Variants in H6PD observed in about 807,000 individuals in gnomAD.
The protein encoded by H6PD is GDH/6PGL endoplasmic bifunctional protein.
Under a neutral mutation model 61.2 loss-of-function variants are expected in H6PD, and 48 were observed. The ratio of observed to expected loss-of-function variants is 0.78; its 90% CI spans 0.62 to 1.00. H6PD has a LOEUF of 1.00. H6PD is among the 50% of genes least tolerant of loss of function. H6PD has a pLI of 0.00. For missense variants in H6PD, 1,093 were observed against 1,065.0 expected (o/e 1.03, Z -0.37); for synonymous variants, 480 against 457.9 (o/e 1.05, Z -0.62).
rs1343168286 is a variant in H6PD, at chr1:9,269,687, C to T, written c.*4818C>T. The T allele has an allele frequency of 1.3e-5, 2 of 152,208 alleles. No individual in the cohort carries two copies. The highest frequency in any genetic ancestry group is 4.8e-5 in the African/African-American group (2 of 41,428). 9.4% of individuals were successfully genotyped at this position (152,208 alleles called of 1,614,324 possible). A position where few individuals can be genotyped will look rare whatever the true frequency, so the allele number is the denominator to read the frequency against. On this transcript the variant is annotated 3_prime_UTR_variant, in exon 5 of 5. Coordinates refer to ENST00000377403, the MANE Select transcript of H6PD (RefSeq NM_004285.4). The surrounding 1 kb of genome is among the most constrained non-coding windows in gnomAD (Gnocchi z 4.3). Reference sequence around the variant, plus strand: ...CCTTTTGCAGCACACTGGGCAGTCTCCCTATAAAACAAAAACCCCACCTTC... The same window carrying T: ...CCTTTTGCAGCACACTGGGCAGTCTTCCTATAAAACAAAAACCCCACCTTC...
intron 1 of H6PD, among the ~76,000 whole-genome samples, chr1:9,241,807 C>T (rs1311823452): frequency 6.6e-6 from 1 of 152,158 alleles, no homozygotes; most frequent in African/African-American, 2.4e-5. Context: ...TGTTTAGCAT[C>T]GTGACTGAGG....
chr1:9,256,127 T>C (rs1252396005), intron 3 of H6PD, among the ~76,000 whole-genome samples: 3 of 152,206 alleles, frequency 2.0e-5, no homozygotes, highest in Non-Finnish European at 2.9e-5. Flanking sequence ...CCTCCTTATA[T>C]GTTGTTATTC....
chr1:9,246,732 G>T (rs1641186211), intron 2 of H6PD, among the ~76,000 whole-genome samples: 1 of 152,172 alleles, frequency 6.6e-6, no homozygotes, highest in Non-Finnish European at 1.5e-5. Flanking sequence ...TAGAAGATAG[G>T]TAATTCTAAC....
intron 3 of H6PD, among the ~76,000 whole-genome samples, chr1:9,260,691 C>T (rs1477491035): frequency 1.3e-5 from 2 of 151,654 alleles, no homozygotes; most frequent in Non-Finnish European, 2.9e-5. Flanking sequence ...GGTGTTGCTG[C>T]ACTGCTGTTA....
chr1:9,264,910 C>G lies in H6PD; in HGVS notation c.*41C>G, dbSNP rs1476253911. On this transcript the variant is annotated 3_prime_UTR_variant, in exon 5 of 5. Transcript: ENST00000377403. ...TTGCCCGCTTCGCTCCTGTGCTTTC[C>G]TTCGCCCGTGTCTTCCCTCCCTTCT... is the stretch of plus-strand genomic sequence containing the variant. 8.1e-6 allele frequency: 13 copies of G among 1,604,340 alleles called. No individual in the cohort carries two copies. The highest frequency in any genetic ancestry group is 1.1e-5 in the Non-Finnish European group (13 of 1,178,296).
At chr1:9,242,048 C>A (rs1052385872) in intron 1 of H6PD, among the ~76,000 whole-genome samples, 1 of 152,160 alleles carries the variant, frequency 6.6e-6, no homozygotes, top group African/African-American at 2.4e-5. Context: ...GAGACTGTTT[C>A]GAAACACCTG....
intron 1 of H6PD, chr1:9,242,677 C>A (rs910981124): frequency 1.0e-6 from 1 of 985,492 alleles, no homozygotes; most frequent in Non-Finnish European, 1.2e-6. Context: ...GGGGCTCCCC[C>A]ACCTGCCCAT....
At chr1:9,241,580 G>A (rs972129334) in intron 1 of H6PD, among the ~76,000 whole-genome samples, 5 of 152,010 alleles carry the variant, frequency 3.3e-5, no homozygotes, top group East Asian at 3.9e-4. Flanking sequence ...AATATTTTTT[G>A]TAGAGATGGG....
Position 9,245,834 on chromosome 1 carries a change from C to T in H6PD, c.627+273C>T, listed in dbSNP as rs1001296608. Among the ~76,000 whole-genome samples, 4 of 152,180 alleles carry T rather than the reference C, an allele frequency of 2.6e-5. No homozygotes were observed. Among genetic ancestry groups the T allele is most frequent in the Non-Finnish European group, 4.4e-5 (3 of 68,024 alleles). ...TCCCAGTCTGGGCTCTGGCTTCTCA[C>T]GGTTGCCCTGCATCCCCTGTAGCGG... On this transcript the variant is annotated intron_variant, in intron 2 of 4. Coordinates refer to ENST00000377403, the MANE Select transcript of H6PD (RefSeq NM_004285.4). This position sits in a 1 kb window ranked among gnomAD's most constrained non-coding sequence, Gnocchi z 4.8.
intron 1 of H6PD, among the ~76,000 whole-genome samples, chr1:9,235,537 A>C (rs1184866025): frequency 1.3e-5 from 2 of 152,214 alleles, no homozygotes; most frequent in African/African-American, 4.8e-5. Flanking sequence ...CATGAAAGGC[A>C]GCAGATGAGG....
intron 1 of H6PD, among the ~76,000 whole-genome samples, chr1:9,244,506 C>G (rs1641100236): frequency 6.6e-6 from 1 of 152,196 alleles, no homozygotes; most frequent in African/African-American, 2.4e-5. Flanking sequence ...CCAACTGTCG[C>G]CTGAGGACCT....
At position 9,269,666 on chromosome 1, in the gene H6PD, T is replaced by C. The variant is rs1638688066; in HGVS notation, c.*4797T>C. On this transcript the variant is annotated 3_prime_UTR_variant, in exon 5 of 5. Coordinates refer to ENST00000377403, the MANE Select transcript of H6PD (RefSeq NM_004285.4). The surrounding 1 kb of genome is among the most constrained non-coding windows in gnomAD (Gnocchi z 4.3). ...GCACTCCCTGTTGTTGGTTTTCCTTTTGCAGCACACTGGGCAGTCTCCCTA... is the reference window on the plus strand; with the variant it reads ...GCACTCCCTGTTGTTGGTTTTCCTTCTGCAGCACACTGGGCAGTCTCCCTA... The C allele has an allele frequency of 6.6e-6, 1 of 152,278 alleles. No homozygotes were observed. Among genetic ancestry groups the C allele is most frequent in the Admixed American group, 6.5e-5 (1 of 15,286 alleles). The allele number at this position is 152,278 out of a possible 1,614,324, so 9.4% of individuals were successfully genotyped here. A position where few individuals can be genotyped will look rare whatever the true frequency, so the allele number is the denominator to read the frequency against.
rs398122817 is a variant in H6PD at position 9,262,261 on chromosome 1, C to G, written c.948C>G (p.Tyr316Ter). 106 of 1,611,992 alleles carry G rather than the reference C, an allele frequency of 6.6e-5. No individual in the cohort carries two copies. The highest frequency in any genetic ancestry group is 8.5e-5 in the Non-Finnish European group (100 of 1,179,124). Residue 316 changes from tyrosine to a stop codon, truncating the protein, a stop_gained, in exon 4 of 5, where the codon TAC becomes TAG. Transcript: ENST00000377403. LOFTEE classifies it high-confidence loss of function. ...CCGTCGTGGGCCAGTACCAGTCTTA[C>G]AGTGAGCAGGTGCGCAGAGAGCTGC... ...GSAVVGQYQSYSEQVRRELQK... is the reference protein window; with the variant it reads ...GSAVVGQYQS
chr1:9,264,838 G>A lies in H6PD; in HGVS notation c.2345G>A (p.Trp782Ter). ...GVLPHSGQLVWYMDYDAFLG is the reference protein window; with the variant it reads ...GVLPHSGQLV ...CTGCCGCACTCCGGCCAGCTGGTGT[G>A]GTACATGGACTACGACGCCTTCCTG... The change falls in exon 5 of 5, where the codon TGG becomes TAG. Residue 782 changes from tryptophan to a stop codon, truncating the protein, a stop_gained. Transcript: ENST00000377403. LOFTEE classifies it high-confidence loss of function. 1 of 1,612,474 alleles carries A rather than the reference G, an allele frequency of 6.2e-7. No homozygotes were observed. Among genetic ancestry groups the A allele is most frequent in the East Asian group, 2.2e-5 (1 of 44,884 alleles).
intron 1 of H6PD, chr1:9,240,037 G>T: frequency 8.2e-7 from 1 of 1,225,746 alleles, no homozygotes; most frequent in South Asian, 4.1e-5. Context: ...CTCCCAGGAT[G>T]ACTCGTAGGA....
Position 9,264,999 on chromosome 1 carries a change from C to T in H6PD, c.*130C>T. On this transcript the variant is annotated 3_prime_UTR_variant, in exon 5 of 5. Transcript: ENST00000377403. ...AACCTTCTATCCCACAGTCAGGCCC[C>T]AGAGAGGGCAGGACAAGCCTTGTCC... 2 of 953,892 alleles carry T rather than the reference C, an allele frequency of 2.1e-6. No individual in the cohort carries two copies. Among genetic ancestry groups the T allele is most frequent in the Non-Finnish European group, 3.3e-6 (2 of 614,936 alleles). The allele number at this position is 953,892 out of a possible 1,614,324, so 59.1% of individuals were successfully genotyped here.
In H6PD at chr1:9,245,562, G is replaced by T; in HGVS notation, c.627+1G>T. 1 of 1,614,072 alleles carries T rather than the reference G, an allele frequency of 6.2e-7. No individual in the cohort carries two copies. The highest frequency in any genetic ancestry group is 8.5e-7 in the Non-Finnish European group (1 of 1,179,962). On this transcript the variant is annotated splice_donor_variant, in intron 2 of 4. Transcript: ENST00000377403. LOFTEE classifies it high-confidence loss of function. This position sits in a 1 kb window ranked among gnomAD's most constrained non-coding sequence, Gnocchi z 4.8. The stretch of plus-strand genomic sequence containing the variant: ...GGTGGACCATTACTTAGGCAAGCAG[G>T]TGAGCATCAGCATGGAGCCTGCCAG...
chr1:9,248,501 G>A (rs1641256424), intron 3 of H6PD, among the ~76,000 whole-genome samples: 1 of 152,048 alleles, frequency 6.6e-6, no homozygotes, highest in Non-Finnish European at 1.5e-5. Flanking sequence ...TGGCTGGTGG[G>A]ACAAACTCCA....
chr1:9,264,313 A>C lies in H6PD; in HGVS notation c.1820A>C (p.Tyr607Ser), dbSNP rs17368556. The change falls in exon 5 of 5, where the codon TAT becomes TCT. Residue 607 changes from tyrosine (Y) to serine (S), a missense_variant. Tyr to Ser is a moderately radical substitution (Grantham distance 144). Coordinates refer to ENST00000377403, the MANE Select transcript of H6PD (RefSeq NM_004285.4). ...TTCCAGCAGCTGGCCACGGCGCACT[A>C]TGGCTTCCCCTGGGCCCACACGCAC... ...ALFQQLATAH[Y>S]GFPWAHTHLW... The C allele has an allele frequency of 1.7e-5, 28 of 1,611,692 alleles. No individual in the cohort carries two copies. The highest frequency in any genetic ancestry group is 2.4e-5 in the Non-Finnish European group (28 of 1,179,754).
Sources: gnomAD v4.1 joint callset for allele counts (sites outside exome capture counted in the v4.1 genomes callset) on GRCh38, gnomAD v4.1.1 for gene constraint, Gnocchi (gnomAD v3.1) non-coding constraint, MANE v1.5 for transcripts, NCBI Gene and HGNC (gene_info 2026-07-23, HGNC 2026-07-21) for gene names.